The following ITGA7 variants were observed in gnomAD, a reference collection of about 807,000 sequenced individuals.
ITGA7 encodes the protein integrin subunit alpha 7, also known as integrin alpha-7.
Under a neutral mutation model 131.6 loss-of-function variants are expected in ITGA7, and 84 were observed. The ratio of observed to expected loss-of-function variants is 0.64; its 90% CI spans 0.54 to 0.77. ITGA7 has a LOEUF of 0.77. Ranked by LOEUF, ITGA7 falls within the 30% of genes least tolerant of loss-of-function variation. The pLI is 0.00. For missense variants in ITGA7, 1,399 were observed against 1,482.9 expected, an observed-to-expected ratio of 0.94 and a Z score of 0.93; for synonymous variants, 548 against 600.7, an observed-to-expected ratio of 0.91 and a Z score of 1.28.
chr12:55,692,615 A>C (rs1198394872), intron 21 of ITGA7, among the ~76,000 whole-genome samples: 4 of 152,216 alleles, frequency 2.6e-5, no homozygotes, highest in Admixed American at 6.5e-5. Flanking sequence ...TGCTTGGCTA[A>C]CTAACTGGCT....
At chr12:55,686,572 G>C (rs888901368) in intron 24 of ITGA7, among the ~76,000 whole-genome samples, 1 of 152,200 alleles carries the variant, frequency 6.6e-6, no homozygotes. Context: ...CCAAAGAGCA[G>C]GCACAGGCAG....
chr12:55,712,645 C>A (rs1170137207), upstream of ITGA7, among the ~76,000 whole-genome samples: 2 of 152,208 alleles, frequency 1.3e-5, no homozygotes, highest in African/African-American at 4.8e-5. Context: ...TTTCAAGAGT[C>A]ATTCTCCAGA....
intron 3 of ITGA7, among the ~76,000 whole-genome samples, chr12:55,701,764 A>G (rs1376108517): frequency 2.6e-5 from 4 of 151,860 alleles, no homozygotes; most frequent in Non-Finnish European, 5.9e-5. Flanking sequence ...TTTATTTTTT[A>G]TAAAGATGAG....
At chr12:55,685,354 G>A in intron 24 of ITGA7, 66 bp from the exon 25 acceptor site, 1 of 1,377,522 alleles carries the variant, frequency 7.3e-7, no homozygotes, top group Non-Finnish European at 1.0e-6. Context: ...CAGATGCCTA[G>A]CGCGGCACAG....
intron 20 of ITGA7, 62 bp from the exon 21 acceptor site, chr12:55,693,037 T>TCTC: frequency 6.2e-7 from 1 of 1,613,242 alleles, no homozygotes; most frequent in Non-Finnish European, 8.5e-7. Context: ...TAAGATCGAA[T>TCTC]CTCCTCCCCA....
At chr12:55,716,196 G>A, upstream of ITGA7, 2 of 1,607,778 alleles carry the variant, frequency 1.2e-6, no homozygotes, top group Non-Finnish European at 1.7e-6. Context: ...GGAGCTGCAG[G>A]GTGAGCCAAA....
At chr12:55,698,298 G>A (rs1873098316) in intron 7 of ITGA7, 85 bp downstream of exon 7, 2 of 1,295,100 alleles carry the variant, frequency 1.5e-6, no homozygotes, top group Non-Finnish European at 2.1e-6. Context: ...TGAGTCCTCA[G>A]AAGACCACAC....
chr12:55,696,549 A>C, intron 12 of ITGA7, 117 bp from the exon 13 acceptor site: 1 of 1,186,394 alleles, frequency 8.4e-7, no homozygotes, highest in Non-Finnish European at 1.2e-6. Context: ...AGGGAGATGA[A>C]TGAGAGAGGT....
chr12:55,700,475 G>T (rs961848604), intron 4 of ITGA7: 2 of 1,492,184 alleles, frequency 1.3e-6, no homozygotes, highest in African/African-American at 2.8e-5. Flanking sequence ...ACAGGCACAC[G>T]GGGAAGCCCT....
chr12:55,697,291 G>A lies in ITGA7; in HGVS notation c.1506-14C>T, dbSNP rs148374832. ...CTTAGGTCCACACTGCGGGGGCAAAGGTGGCTCCTGAGCCAAACGAGGCTG... is the reference window on the plus strand; with the variant it reads ...CTTAGGTCCACACTGCGGGGGCAAAAGTGGCTCCTGAGCCAAACGAGGCTG... On this transcript the variant is annotated splice_polypyrimidine_tract_variant and intron_variant, in intron 10 of 24. Transcript: ENST00000257879. The A allele has an allele frequency of 5.9e-4, 940 of 1,589,938 alleles. 7 individuals carry two copies. In the African/African-American group the frequency reaches 0.011, roughly 18 times the overall value.
chr12:55,708,224 G>A (rs1317341513), upstream of ITGA7, among the ~76,000 whole-genome samples: 2 of 152,210 alleles, frequency 1.3e-5, no homozygotes, highest in South Asian at 2.1e-4. Context: ...AGAGGAAGGA[G>A]GGTAAGAGAT....
rs1346460062 is a variant in ITGA7 at position 55,699,993 on chromosome 12, TG to T, written c.671-5del. On this transcript the variant is annotated splice_polypyrimidine_tract_variant and splice_region_variant and intron_variant, in intron 4 of 24. Coordinates refer to ENST00000257879, the MANE Select transcript of ITGA7 (RefSeq NM_002206.3). ...ATGTTGGTCACAAAAAGCAACCCTGTGGGGGGTGGGGTGAGACACCAGGGAG... is the reference window on the plus strand; with the variant it reads ...ATGTTGGTCACAAAAAGCAACCCTGTGGGGGTGGGGTGAGACACCAGGGAG... 3 of 1,612,608 alleles carry T rather than the reference TG, an allele frequency of 1.9e-6. No homozygotes were observed. The highest frequency in any genetic ancestry group is 1.7e-5 in the Admixed American group (1 of 59,906).
intron 22 of ITGA7, 86 bp from the exon 23 acceptor site, chr12:55,688,386 G>T: frequency 2.0e-6 from 2 of 985,060 alleles, no homozygotes; most frequent in Non-Finnish European, 1.6e-6. Context: ...TAAATGTAAT[G>T]GTGCCCAACA....
At chr12:55,714,656 AGCCTAG>A (rs1876375174), upstream of ITGA7, among the ~76,000 whole-genome samples, 1 of 151,690 alleles carries the variant, frequency 6.6e-6, no homozygotes, top group African/African-American at 2.4e-5. Context: ...ACTGCACTCC[AGCCTAG>A]GCGACAGAGC....
At chr12:55,700,083 GGAA>G (rs1185516831) in intron 4 of ITGA7, 94 bp from the exon 5 acceptor site, 12 of 1,509,372 alleles carry the variant, frequency 8.0e-6, no homozygotes, top group Admixed American at 6.9e-5. Flanking sequence ...AGAAAATGGT[GGAA>G]GAAGAAGAGG....
chr12:55,703,641 C>G (rs1045440691), intron 1 of ITGA7, among the ~76,000 whole-genome samples: 38 of 152,130 alleles, frequency 2.5e-4, no homozygotes, highest in Non-Finnish European at 2.2e-4. Context: ...GGGCCCCAGA[C>G]TGGCATCAGA....
At chr12:55,695,854 G>C (rs1168047739) in intron 13 of ITGA7, among the ~76,000 whole-genome samples, 2 of 151,992 alleles carry the variant, frequency 1.3e-5, no homozygotes, top group Non-Finnish European at 2.9e-5. Context: ...CCATGGTAGA[G>C]ACTAGCAGCA....
chr12:55,689,798 A>T (rs1016932870), intron 21 of ITGA7, among the ~76,000 whole-genome samples: 1 of 152,220 alleles, frequency 6.6e-6, no homozygotes, highest in Non-Finnish European at 1.5e-5. Context: ...AACAGAACAG[A>T]GCCCTCAGAA....
At chr12:55,696,870 C>A (rs746717378) in intron 12 of ITGA7, 29 bp downstream of exon 12, 1 of 1,613,124 alleles carries the variant, frequency 6.2e-7, no homozygotes, top group South Asian at 1.1e-5. Flanking sequence ...ATGAAAATGA[C>A]CCTCAGAAGC....
Sources: allele counts gnomAD v4.1 joint callset (sites outside exome capture counted in the v4.1 genomes callset), GRCh38; gene constraint gnomAD v4.1.1; transcripts MANE v1.5; gene names NCBI Gene and HGNC (gene_info 2026-07-23, HGNC 2026-07-21).